Variants in KCNMB3 observed in about 807,000 individuals in gnomAD.
KCNMB3 encodes the protein potassium calcium-activated channel subfamily M regulatory beta subunit 3.
KCNMB3 carries 18 observed loss-of-function variants against 11.9 expected under a neutral mutation model. The observed-to-expected ratio is 1.51, with a 90% CI of 1.04 to 2.23. The LOEUF (loss-of-function observed/expected upper bound fraction) is 2.23. Among genes scored for constraint, KCNMB3 ranks in the 30% most tolerant of loss-of-function variants. The probability of loss-of-function intolerance (pLI) is 0.00; values close to 1 mark genes in which losing one functional copy is unlikely to be tolerated. For synonymous variants in KCNMB3, 78 were observed against 119.2 expected (o/e 0.65, Z 2.25); for missense variants, 247 against 329.4 (o/e 0.75, Z 1.94).
intron 1 of KCNMB3, among the ~76,000 whole-genome samples, chr3:179,245,830 G>C (rs574947615): frequency 4.6e-5 from 7 of 152,142 alleles, no homozygotes; most frequent in Non-Finnish European, 1.0e-4. Flanking sequence ...AATTTCTTGA[G>C]AATTTTCACA....
intron 1 of KCNMB3, chr3:179,259,610 C>G: frequency 6.2e-7 from 1 of 1,608,372 alleles, no homozygotes; most frequent in Non-Finnish European, 8.5e-7. Context: ...TGTCAGTAGA[C>G]TTTACCTGCT....
At chr3:179,258,911 A>T (rs7648422) in intron 1 of KCNMB3, 10 of 1,609,474 alleles carry the variant, frequency 6.2e-6, no homozygotes, top group Non-Finnish European at 8.5e-6. Context: ...TGATTGGCAT[A>T]CAGTGCATCT....
At position 179,250,780 on chromosome 3, in the gene KCNMB3, A is replaced by C. The variant is rs2276802; in HGVS notation, c.211T>G (p.Leu71Val). 11,273 of 1,614,170 alleles carry C rather than the reference A, an allele frequency of 7.0e-3. 312 individuals are homozygous for C. Among genetic ancestry groups the C allele is most frequent in the South Asian group, 0.068 (6,211 of 91,080 alleles). The change falls in exon 1 of 3, where the codon TTG (leucine) becomes GTG (valine). Residue 71 changes from leucine to valine, a missense_variant. Leu to Val is a conservative substitution (Grantham distance 32). This residue lies in a region of KCNMB3 where 160 missense variants were observed against 157.5 expected (regional missense o/e 1.02). Coordinates refer to ENST00000392685, the MANE Select transcript of KCNMB3 (RefSeq NM_171830.2). ...MMGFSVLMFF[L>V]LGTTILKPFM... ...GGCTTTAGAATGGTTGTTCCGAGCAAGAAGAACATTAGGACTGAGAAGCCC... is the reference window on the plus strand; with the variant it reads ...GGCTTTAGAATGGTTGTTCCGAGCACGAAGAACATTAGGACTGAGAAGCCC...
At chr3:179,259,562 T>C in intron 1 of KCNMB3, 1 of 1,609,574 alleles carries the variant, frequency 6.2e-7, no homozygotes, top group Non-Finnish European at 8.5e-7. Context: ...GTTTTGGATT[T>C]TCAGTCACCT....
chr3:179,247,773 G>T (rs1219042215), intron 1 of KCNMB3, among the ~76,000 whole-genome samples: 3 of 152,158 alleles, frequency 2.0e-5, no homozygotes, highest in African/African-American at 2.4e-5. Context: ...AGTAAATGGT[G>T]ACTTCTACAT....
exon 1 of KCNMB3, chr3:179,266,695 T>G: frequency 6.2e-7 from 1 of 1,614,176 alleles, no homozygotes; most frequent in Non-Finnish European, 8.5e-7. Context: ...TGCACGGGGA[T>G]GCTGAAGGGC....
chr3:179,257,918 C>T (rs1335644923), intron 1 of KCNMB3, among the ~76,000 whole-genome samples: 1 of 151,994 alleles, frequency 6.6e-6, no homozygotes, highest in African/African-American at 2.4e-5. Flanking sequence ...CAGAGTTTCG[C>T]TCGTTGTCCA....
downstream of KCNMB3, chr3:179,241,865 T>C (rs1481151778): frequency 6.5e-6 from 1 of 154,196 alleles, no homozygotes; most frequent in Non-Finnish European, 1.5e-5. Context: ...ACCAGCCTAA[T>C]ACGATGTGGA....
chr3:179,265,178 C>T (rs1316648812), intron 1 of KCNMB3, among the ~76,000 whole-genome samples: 1 of 152,180 alleles, frequency 6.6e-6, no homozygotes, highest in African/African-American at 2.4e-5. Flanking sequence ...AAAATTGGTT[C>T]ATGTCTAGCG....
intron 1 of KCNMB3, among the ~76,000 whole-genome samples, chr3:179,246,425 T>A (rs1725645859): frequency 1.3e-5 from 2 of 151,320 alleles, no homozygotes; most frequent in Admixed American, 1.3e-4. Flanking sequence ...AAAAAAAAAG[T>A]AAGAATGTTC....
At chr3:179,251,608 G>A (rs78806188), upstream of KCNMB3, 27 of 1,270,274 alleles carry the variant, frequency 2.1e-5, no homozygotes, top group East Asian at 2.9e-5. Context: ...ATACATTCTC[G>A]CAGGGCAGGG....
upstream of KCNMB3, chr3:179,251,667 A>G (rs1576959147): frequency 2.4e-6 from 3 of 1,237,286 alleles, no homozygotes; most frequent in East Asian, 3.1e-5. Context: ...ACCGGTGGGC[A>G]TGGCGGCATC....
chr3:179,246,142 T>C (rs1483829952), intron 1 of KCNMB3, among the ~76,000 whole-genome samples: 3 of 151,848 alleles, frequency 2.0e-5, no homozygotes, highest in East Asian at 1.9e-4. Flanking sequence ...CCAGGCGCAG[T>C]GGCTCATGCC....
Position 179,250,939 on chromosome 3 carries a change from G to A in KCNMB3, c.52C>T (p.Gln18Ter), listed in dbSNP as rs751928318. ...CCTGAGGCAGGAAAGGCTGTCCTTT[G>A]GGGAAAGGGAGAAGGAGATACTGCA... ...LTAVSPSPFP[Q>*]RTAFPASGKK... is the part of the protein sequence containing the mutation. Residue 18 changes from glutamine (Q) to a stop codon, truncating the protein, a stop_gained, in exon 1 of 3, where the codon CAA becomes TAA. Coordinates refer to ENST00000392685, the MANE Select transcript of KCNMB3 (RefSeq NM_171830.2). LOFTEE classifies it high-confidence loss of function. 8.1e-6 allele frequency: 13 copies of A among 1,614,100 alleles called. No individual in the cohort carries two copies. Among genetic ancestry groups the A allele is most frequent in the South Asian group, 1.1e-5 (1 of 91,066 alleles).
chr3:179,260,218 T>A (rs1166725639), intron 1 of KCNMB3: 7 of 1,613,802 alleles, frequency 4.3e-6, no homozygotes, highest in Non-Finnish European at 5.9e-6. Context: ...CTCCAACAGT[T>A]GGATGGCTCA....
intron 1 of KCNMB3, among the ~76,000 whole-genome samples, chr3:179,246,115 A>G (rs2108441188): frequency 6.6e-6 from 1 of 152,264 alleles, no homozygotes; most frequent in East Asian, 1.9e-4. Flanking sequence ...TAAAGTCAGA[A>G]TGTTTGAAAA....
At chr3:179,256,117 T>C (rs1481291321), upstream of KCNMB3, among the ~76,000 whole-genome samples, 1 of 152,012 alleles carries the variant, frequency 6.6e-6, no homozygotes, top group East Asian at 1.9e-4. Flanking sequence ...GAAGAGCAAA[T>C]ACAGAAGTAA....
intron 1 of KCNMB3, among the ~76,000 whole-genome samples, chr3:179,246,917 G>A (rs560077817): frequency 3.9e-5 from 6 of 152,312 alleles, no homozygotes; most frequent in African/African-American, 1.4e-4. Flanking sequence ...AAATAAGCAT[G>A]TTCCTTCAAT....
At chr3:179,263,154 G>A (rs1049824107) in intron 1 of KCNMB3, among the ~76,000 whole-genome samples, 2 of 152,370 alleles carry the variant, frequency 1.3e-5, no homozygotes, top group Middle Eastern at 3.4e-3. Context: ...CGGAGGCGGG[G>A]GGAGGCTCAG....
Sources: gnomAD v4.1 joint callset for allele counts (sites outside exome capture counted in the v4.1 genomes callset) on GRCh38, gnomAD v4.1.1 for gene constraint, gnomAD v4.1.1 regional missense constraint, MANE v1.5 for transcripts, NCBI Gene and HGNC (gene_info 2026-07-23, HGNC 2026-07-21) for gene names.